The following TNFRSF10D variants were observed in gnomAD, a reference collection of about 807,000 sequenced individuals.
The protein encoded by TNFRSF10D is TNF receptor superfamily member 10d.
TNFRSF10D carries 28 observed loss-of-function variants against 42.1 expected under a neutral mutation model. The ratio of observed to expected loss-of-function variants is 0.66; its 90% CI spans 0.49 to 0.91. The LOEUF (loss-of-function observed/expected upper bound fraction) is 0.91. Among genes scored for constraint, TNFRSF10D ranks in the 40% least tolerant of loss-of-function variants. TNFRSF10D has a pLI of 0.00. For missense variants in TNFRSF10D, 503 were observed against 486.1 expected (o/e 1.03, Z -0.33); for synonymous variants, 186 against 189.4 (o/e 0.98, Z 0.15).
rs61279799 is a variant in TNFRSF10D at position 23,156,559 on chromosome 8, C to CT, written c.151-1581dup. 8.9e-3 allele frequency among the ~76,000 whole-genome samples: 1,263 copies of CT among 142,418 alleles called. 18 individuals are homozygous for CT. The highest frequency in any genetic ancestry group is 0.023 in the African/African-American group (909 of 38,712). 93.4% of individuals were successfully genotyped at this position (142,418 alleles called of 152,430 possible). A position where few individuals can be genotyped will look rare whatever the true frequency, so the allele number is the denominator to read the frequency against. On this transcript the variant is annotated intron_variant, in intron 1 of 8. Coordinates refer to ENST00000312584, the MANE Select transcript of TNFRSF10D (RefSeq NM_003840.5). ...AGAGCAACTATTCATTTTCTCAACTCTTTTTTTTTTTTTTTCTTTTTTGGA... is the reference window on the plus strand; with the variant it reads ...AGAGCAACTATTCATTTTCTCAACTCTTTTTTTTTTTTTTTTCTTTTTTGGA...
intron 2 of TNFRSF10D, among the ~76,000 whole-genome samples, chr8:23,148,884 T>C (rs1001091492): frequency 2.0e-5 from 3 of 149,510 alleles, no homozygotes; most frequent in African/African-American, 2.4e-5. Context: ...TCAATATAAA[T>C]ATTTGAAATA....
At chr8:23,163,089 C>CTTT (rs59385093) in intron 1 of TNFRSF10D, among the ~76,000 whole-genome samples, 745 of 57,180 alleles carry the variant, frequency 0.013, 88 homozygotes, top group African/African-American at 0.052. Context: ...GCCTGGCTAA[C>CTTT]TTTTTTTTTT....
chr8:23,144,360 C>T, intron 7 of TNFRSF10D, 90 bp downstream of exon 7: 2 of 1,458,326 alleles, frequency 1.4e-6, no homozygotes, highest in East Asian at 4.6e-5. Flanking sequence ...CCCCTTGGGC[C>T]AGGAAAGAGG....
At chr8:23,145,637 C>T in intron 5 of TNFRSF10D, 31 bp downstream of exon 5, 1 of 1,612,658 alleles carries the variant, frequency 6.2e-7, no homozygotes. Flanking sequence ...GCAGACAGTG[C>T]CCAGCGCTCC....
intron 3 of TNFRSF10D, among the ~76,000 whole-genome samples, chr8:23,147,829 G>A (rs530794635): frequency 1.6e-4 from 25 of 152,108 alleles, no homozygotes; most frequent in African/African-American, 4.8e-4. Flanking sequence ...TTGGGAGGCC[G>A]AGGTGGGTGG....
intron 1 of TNFRSF10D, among the ~76,000 whole-genome samples, chr8:23,159,635 G>A (rs1233963064): frequency 6.6e-6 from 1 of 152,148 alleles, no homozygotes; most frequent in Non-Finnish European, 1.5e-5. Flanking sequence ...AGGCTGAGAT[G>A]GGCGGATCAC....
intron 2 of TNFRSF10D, among the ~76,000 whole-genome samples, chr8:23,153,497 A>G (rs981714938): frequency 2.0e-5 from 3 of 152,238 alleles, no homozygotes; most frequent in African/African-American, 7.2e-5. Context: ...CAAAATACAC[A>G]GGAACTCAAA....
Position 23,158,964 on chromosome 8 carries a change from T to C in TNFRSF10D, c.151-3985A>G, listed in dbSNP as rs549267377. Among the ~76,000 whole-genome samples, 4 of 152,336 alleles carry C rather than the reference T, an allele frequency of 2.6e-5. No individual in the cohort carries two copies. The South Asian group carries it at 8.3e-4, about 32-fold the overall frequency. ...CATTTTTCAATGTAATCCTCTCTTC[T>C]GCTTTGCTCCTATGTCCCCAGCAAT... On this transcript the variant is annotated intron_variant, in intron 1 of 8. Transcript: ENST00000312584.
chr8:23,138,406 G>T, intron 7 of TNFRSF10D, 146 bp from the exon 8 acceptor site: 1 of 745,022 alleles, frequency 1.3e-6, no homozygotes, highest in Non-Finnish European at 2.3e-6. Flanking sequence ...GTCCTCCATA[G>T]CTCTTGGGCT....
intron 7 of TNFRSF10D, among the ~76,000 whole-genome samples, chr8:23,139,124 A>C (rs1014229763): frequency 5.9e-5 from 9 of 152,386 alleles, no homozygotes; most frequent in African/African-American, 2.2e-4. Context: ...TGTCTGGAGG[A>C]ATGTTAAAAA....
Position 23,154,949 on chromosome 8 carries a change from G to A in TNFRSF10D, c.181C>T (p.Gln61Ter). The change falls in exon 2 of 9, where the codon CAG (glutamine) becomes TAG (stop). Residue 61 changes from glutamine to a stop codon, truncating the protein, a stop_gained. Transcript: ENST00000312584. LOFTEE classifies it high-confidence loss of function. ...VRVDSATIPR[Q>*]DEVPQQTVAP... ...ACTGTCTGCTGGGGAACTTCGTCCT[G>A]CCGGGGGATGGTGGCAGAGTCAACC... 1 of 1,613,186 alleles carries A rather than the reference G, an allele frequency of 6.2e-7. No homozygotes were observed. The highest frequency in any genetic ancestry group is 8.5e-7 in the Non-Finnish European group (1 of 1,179,568).
At chr8:23,157,506 G>A (rs575761395) in intron 1 of TNFRSF10D, among the ~76,000 whole-genome samples, 21 of 152,254 alleles carry the variant, frequency 1.4e-4, no homozygotes, top group African/African-American at 4.3e-4. Flanking sequence ...GCATAGAAAG[G>A]AATCAGTGTT....
Position 23,137,084 on chromosome 8 carries a change from C to T in TNFRSF10D, c.*786G>A, listed in dbSNP as rs796152516. Reference sequence around the variant, plus strand: ...CATGTTTACATCATTATACAAAAATCGGAAAAGAGATGTACAGCCTACAGT... The same window carrying T: ...CATGTTTACATCATTATACAAAAATTGGAAAAGAGATGTACAGCCTACAGT... On this transcript the variant is annotated 3_prime_UTR_variant, in exon 9 of 9. Coordinates refer to ENST00000312584, the MANE Select transcript of TNFRSF10D (RefSeq NM_003840.5). The T allele has an allele frequency of 5.3e-3, 797 of 151,800 alleles. No individual in the cohort carries two copies. Among genetic ancestry groups the T allele is most frequent in the African/African-American group, 0.018 (759 of 41,374 alleles). 9.4% of individuals were successfully genotyped at this position (151,800 alleles called of 1,614,324 possible).
intron 2 of TNFRSF10D, among the ~76,000 whole-genome samples, chr8:23,148,951 G>C (rs1800169199): frequency 6.6e-6 from 1 of 151,542 alleles, no homozygotes; most frequent in Non-Finnish European, 1.5e-5. Flanking sequence ...AGTACTTAGG[G>C]AGGCCAAGGC....
At chr8:23,142,919 G>T (rs565505386) in intron 7 of TNFRSF10D, among the ~76,000 whole-genome samples, 2 of 152,262 alleles carry the variant, frequency 1.3e-5, no homozygotes, top group African/African-American at 4.8e-5. Context: ...AGAAGGGCTG[G>T]GGGCTGGAGG....
intron 2 of TNFRSF10D, among the ~76,000 whole-genome samples, chr8:23,149,540 A>C (rs1289881263): frequency 6.7e-6 from 1 of 149,800 alleles, no homozygotes; most frequent in Non-Finnish European, 1.5e-5. Flanking sequence ...TGCCACGCCC[A>C]GTCTACTTTT....
At chr8:23,148,585 AC>A in intron 2 of TNFRSF10D, 34 bp from the exon 3 acceptor site, 1 of 1,513,984 alleles carries the variant, frequency 6.6e-7, no homozygotes, top group Non-Finnish European at 9.1e-7. Flanking sequence ...TGAATGAGTC[AC>A]CACAGAATTC....
intron 7 of TNFRSF10D, among the ~76,000 whole-genome samples, chr8:23,142,610 C>T (rs372356761): frequency 6.6e-6 from 1 of 151,994 alleles, no homozygotes; most frequent in Non-Finnish European, 1.5e-5. Context: ...GGGGAGGGAG[C>T]GAGAGGAGGA....
intron 1 of TNFRSF10D, among the ~76,000 whole-genome samples, chr8:23,160,764 C>A (rs985195728): frequency 1.3e-5 from 2 of 152,222 alleles, no homozygotes; most frequent in South Asian, 2.1e-4. Flanking sequence ...GGACCGTGGC[C>A]TCTCAGTAGG....
Sources: gnomAD v4.1 joint callset for allele counts (sites outside exome capture counted in the v4.1 genomes callset) on GRCh38, gnomAD v4.1.1 for gene constraint, MANE v1.5 for transcripts, NCBI Gene and HGNC (gene_info 2026-07-23, HGNC 2026-07-21) for gene names.